Variants in UTRN observed in about 807,000 individuals in gnomAD.
UTRN encodes the protein dystrophin-related protein 1.
In UTRN, 283 loss-of-function variants were observed where a neutral mutation model predicts 463.9. That is an observed-to-expected ratio of 0.61 (90% CI 0.55 to 0.67). The LOEUF (loss-of-function observed/expected upper bound fraction) is 0.67, where lower values mean the gene tolerates loss of function less well. Among genes scored for constraint, UTRN ranks in the 30% least tolerant of loss-of-function variants. The probability of loss-of-function intolerance (pLI) is 0.00; values close to 1 mark genes in which losing one functional copy is unlikely to be tolerated. For synonymous variants in UTRN, 1,442 were observed against 1,431.5 expected (o/e 1.01, Z -0.17); for missense variants, 3,922 against 4,084.3 (o/e 0.96, Z 1.08).
intron 51 of UTRN, among the ~76,000 whole-genome samples, chr6:144,658,021 T>C (rs1779505760): frequency 6.6e-6 from 1 of 152,218 alleles, no homozygotes; most frequent in Admixed American, 6.5e-5. Flanking sequence ...AGGTTCCCTG[T>C]GGCCACTTTC....
chr6:144,664,970 T>C (rs544324528), intron 51 of UTRN, among the ~76,000 whole-genome samples: 1 of 152,214 alleles, frequency 6.6e-6, no homozygotes, highest in African/African-American at 2.4e-5. Flanking sequence ...AATTCTGAAA[T>C]CTAGTCTGAC....
At chr6:144,511,382 G>A (rs188623248) in intron 35 of UTRN, among the ~76,000 whole-genome samples, 16 of 152,156 alleles carry the variant, frequency 1.1e-4, no homozygotes, top group Admixed American at 7.9e-4. Context: ...CACCTTATTT[G>A]TTTCATTTTA....
chr6:144,812,948 T>C (rs953432018), intron 65 of UTRN, among the ~76,000 whole-genome samples: 1 of 152,124 alleles, frequency 6.6e-6, no homozygotes, highest in African/African-American at 2.4e-5. Context: ...GTAAAGCACA[T>C]TTTCAGAATT....
intron 50 of UTRN, among the ~76,000 whole-genome samples, chr6:144,559,695 G>C (rs955451045): frequency 5.3e-5 from 8 of 152,046 alleles, no homozygotes; most frequent in African/African-American, 1.9e-4. Context: ...TAAGGAGCCT[G>C]TGTAGACTCA....
At chr6:144,640,217 A>G (rs1777632943) in intron 51 of UTRN, among the ~76,000 whole-genome samples, 1 of 152,196 alleles carries the variant, frequency 6.6e-6, no homozygotes, top group Admixed American at 6.5e-5. Context: ...AATATCAAGA[A>G]CAAATTGTGG....
intron 73 of UTRN, among the ~76,000 whole-genome samples, chr6:144,845,293 A>AT (rs1237915889): frequency 6.6e-6 from 1 of 152,060 alleles, no homozygotes; most frequent in Non-Finnish European, 1.5e-5. Flanking sequence ...TTTGGTATAA[A>AT]TTTTTTTTGT....
chr6:144,724,454 C>T (rs1034780122), intron 53 of UTRN, among the ~76,000 whole-genome samples: 7 of 151,954 alleles, frequency 4.6e-5, no homozygotes, highest in African/African-American at 1.7e-4. Flanking sequence ...GTCTTGAACT[C>T]CTGACCTTGT....
intron 51 of UTRN, among the ~76,000 whole-genome samples, chr6:144,647,948 T>C (rs1296010349): frequency 6.6e-6 from 1 of 152,242 alleles, no homozygotes; most frequent in Non-Finnish European, 1.5e-5. Flanking sequence ...CCCTATTGTT[T>C]AAATGACTTA....
intron 50 of UTRN, among the ~76,000 whole-genome samples, chr6:144,561,212 T>C (rs9497003): frequency 0.49 from 6,802 of 13,820 alleles, 684 homozygotes; most frequent in East Asian, 0.64. Context: ...ACATTATATA[T>C]ATATATATAT....
intron 23 of UTRN, among the ~76,000 whole-genome samples, chr6:144,471,747 G>T (rs1485754468): frequency 6.6e-6 from 1 of 152,222 alleles, no homozygotes; most frequent in African/African-American, 2.4e-5. Context: ...AGAGGAGGAA[G>T]CAGCTTGGGG....
intron 51 of UTRN, among the ~76,000 whole-genome samples, chr6:144,581,225 G>A (rs1801939801): frequency 6.6e-6 from 1 of 152,184 alleles, no homozygotes; most frequent in Admixed American, 6.5e-5. Flanking sequence ...GCTTTTGTAT[G>A]AAAGCCCATT....
intron 4 of UTRN, among the ~76,000 whole-genome samples, chr6:144,422,531 T>C (rs1255782358): frequency 6.6e-6 from 1 of 152,056 alleles, no homozygotes; most frequent in Non-Finnish European, 1.5e-5. Context: ...GCCAGGAGAA[T>C]TGCTTGAACA....
At chr6:144,714,532 A>C (rs1318567766) in intron 53 of UTRN, among the ~76,000 whole-genome samples, 1 of 152,176 alleles carries the variant, frequency 6.6e-6, no homozygotes, top group African/African-American at 2.4e-5. Flanking sequence ...AGGTTTCTGC[A>C]CTTGGCTTAA....
At chr6:144,360,776 G>A (rs932245860) in intron 2 of UTRN, among the ~76,000 whole-genome samples, 25 of 152,144 alleles carry the variant, frequency 1.6e-4, no homozygotes, top group Non-Finnish European at 3.2e-4. Context: ...TTCCCAGTTG[G>A]GTTGTGATCG....
chr6:144,683,408 A>G (rs574948680), intron 52 of UTRN, among the ~76,000 whole-genome samples: 25 of 151,618 alleles, frequency 1.6e-4, no homozygotes, highest in African/African-American at 5.1e-4. Context: ...CTTAGTGAGA[A>G]AATCCCTCCC....
intron 51 of UTRN, among the ~76,000 whole-genome samples, chr6:144,643,752 A>G (rs889554448): frequency 6.6e-6 from 1 of 151,714 alleles, no homozygotes; most frequent in African/African-American, 2.4e-5. Flanking sequence ...AGCCCAGACC[A>G]TGCCATTGCA....
intron 3 of UTRN, among the ~76,000 whole-genome samples, chr6:144,416,008 T>A (rs1784330954): frequency 6.6e-6 from 1 of 152,112 alleles, no homozygotes; most frequent in Admixed American, 6.6e-5. Context: ...ATGTGATGTA[T>A]TTGCAATTAA....
intron 2 of UTRN, among the ~76,000 whole-genome samples, chr6:144,385,224 A>G (rs2114748278): frequency 6.6e-6 from 1 of 152,294 alleles, no homozygotes; most frequent in African/African-American, 2.4e-5. Flanking sequence ...AAGAAAGAAA[A>G]CAGAGAACGT....
chr6:144,800,268 G>C (rs1403062688), intron 64 of UTRN, among the ~76,000 whole-genome samples: 1 of 152,162 alleles, frequency 6.6e-6, no homozygotes, highest in Admixed American at 6.5e-5. Context: ...AGAATATTAA[G>C]ATTTAACTGA....
Sources: allele counts gnomAD v4.1 joint callset (sites outside exome capture counted in the v4.1 genomes callset), GRCh38; gene constraint gnomAD v4.1.1; transcripts MANE v1.5; gene names NCBI Gene and HGNC (gene_info 2026-07-23, HGNC 2026-07-21).